Variants in ABL1 observed in about 807,000 individuals in gnomAD.
ABL1 encodes ABL proto-oncogene 1, non-receptor tyrosine kinase.
Under a neutral mutation model 94.7 loss-of-function variants are expected in ABL1, and 11 were observed. The ratio of observed to expected loss-of-function variants is 0.12; its 90% CI spans 0.07 to 0.19. The LOEUF is 0.19. Among genes scored for constraint, ABL1 ranks in the 10% least tolerant of loss-of-function variants. The pLI, the probability that ABL1 is intolerant of heterozygous loss-of-function variation, is 1.00. For missense variants in ABL1, 1,082 were observed against 1,489.4 expected, an observed-to-expected ratio of 0.73 and a Z score of 4.50; for synonymous variants, 656 against 622.4, an observed-to-expected ratio of 1.05 and a Z score of -0.80.
At chr9:130,868,029 G>T (rs12006244) in intron 4 of ABL1, among the ~76,000 whole-genome samples, 3 of 151,250 alleles carry the variant, frequency 2.0e-5, no homozygotes, top group South Asian at 2.1e-4. Context: ...GCGTGATCTC[G>T]GCTCACCGCA....
rs552566550 is a variant in ABL1 at position 130,887,173 on chromosome 9, C to T, written c.*1490C>T. On this transcript the variant is annotated 3_prime_UTR_variant, in exon 11 of 11. Coordinates refer to ENST00000318560, the MANE Select transcript of ABL1 (RefSeq NM_005157.6). ...GGGAGAAGCCACCTTCCCACCCCTT[C>T]ATACCGCCTCGTGCCAGCAGCCTCG... 516 of 233,276 alleles carry T rather than the reference C, an allele frequency of 2.2e-3. No homozygotes were observed. Among genetic ancestry groups the T allele is most frequent in the South Asian group, 5.6e-3 (31 of 5,518 alleles). 14.5% of individuals were successfully genotyped at this position (233,276 alleles called of 1,614,324 possible).
chr9:130,719,200 A>C lies in ABL1; in HGVS notation c.136+4745A>C, dbSNP rs543365748. Among the ~76,000 whole-genome samples, 3 of 152,142 alleles carry C rather than the reference A, an allele frequency of 2.0e-5. No homozygotes were observed. In the East Asian group the frequency reaches 5.8e-4, roughly 29 times the overall value. ...TGTTCCAAGTGTCTTTTTACAACAAACTTGGGTTATCTTATAATACGAAAA... is the reference window on the plus strand; with the variant it reads ...TGTTCCAAGTGTCTTTTTACAACAACCTTGGGTTATCTTATAATACGAAAA... On this transcript the variant is annotated intron_variant, in intron 1 of 10. Coordinates refer to the ABL1 transcript ENST00000372348.
intron 1 of ABL1, among the ~76,000 whole-genome samples, chr9:130,764,825 G>A (rs972597720): frequency 4.6e-5 from 7 of 151,960 alleles, no homozygotes; most frequent in East Asian, 1.9e-4. Context: ...GCGTGGTGGC[G>A]CATGCCTGTA....
chr9:130,822,986 C>T (rs60181340), intron 1 of ABL1, among the ~76,000 whole-genome samples: 5,401 of 152,052 alleles, frequency 0.036, 300 homozygotes, highest in African/African-American at 0.12. Flanking sequence ...TTAGTAGAGA[C>T]GGGATTTCAC....
At chr9:130,851,110 G>C (rs1183796896) in intron 1 of ABL1, among the ~76,000 whole-genome samples, 1 of 152,024 alleles carries the variant, frequency 6.6e-6, no homozygotes. Context: ...ATTTTTAGTA[G>C]AGACGGGGCT....
rs1355338453 is a variant in ABL1 at position 130,872,023 on chromosome 9, A to G, written c.823-106A>G. 3 of 956,544 alleles carry G rather than the reference A, an allele frequency of 3.1e-6. No individual in the cohort carries two copies. Among genetic ancestry groups the G allele is most frequent in the Non-Finnish European group, 4.8e-6 (3 of 622,732 alleles). 59.3% of individuals were successfully genotyped at this position (956,544 alleles called of 1,614,324 possible). On this transcript the variant is annotated intron_variant, in intron 4 of 10. Transcript: ENST00000318560. This position sits in a 1 kb window ranked among gnomAD's most constrained non-coding sequence, Gnocchi z 5.0. ...ATGTGGCTGTCACAAAACGCAGCCCAGGACGAGTATGCGCTGAAGCTCCAT... is the reference window on the plus strand; with the variant it reads ...ATGTGGCTGTCACAAAACGCAGCCCGGGACGAGTATGCGCTGAAGCTCCAT...
chr9:130,849,799 G>A (rs769503587), intron 1 of ABL1, among the ~76,000 whole-genome samples: 10 of 152,186 alleles, frequency 6.6e-5, no homozygotes, highest in African/African-American at 1.4e-4. Flanking sequence ...TTACAGGTGT[G>A]AGCCACCGCA....
intron 1 of ABL1, among the ~76,000 whole-genome samples, chr9:130,837,513 G>A (rs183477421): frequency 6.6e-5 from 10 of 150,938 alleles, no homozygotes; most frequent in Admixed American, 6.6e-4. Context: ...ATTCCAACAT[G>A]TCTTGAAATG....
chr9:130,851,526 A>G (rs1164174664), intron 1 of ABL1, among the ~76,000 whole-genome samples: 3 of 152,052 alleles, frequency 2.0e-5, no homozygotes, highest in Non-Finnish European at 4.4e-5. Flanking sequence ...GTTCTCGGTC[A>G]TGTTTCCGGA....
At chr9:130,848,659 A>G (rs1406063960) in intron 1 of ABL1, among the ~76,000 whole-genome samples, 2 of 152,180 alleles carry the variant, frequency 1.3e-5, no homozygotes, top group African/African-American at 4.8e-5. Context: ...ATGTAAGGCC[A>G]GACACGGTGG....
Position 130,835,560 on chromosome 9 carries a change from C to T in ABL1, c.79+35C>T, listed in dbSNP as rs1438153217. On this transcript the variant is annotated intron_variant, in intron 1 of 10. Transcript: ENST00000318560. The surrounding 1 kb of genome is among the most constrained non-coding windows in gnomAD (Gnocchi z 4.6). ...GGCCGCACGGGTTGGGCTGAGTAGC[C>T]GCGCGCCCTCCCGCTGCTGCTGGGC... is the stretch of plus-strand genomic sequence containing the variant. 3.3e-6 allele frequency: 5 copies of T among 1,527,096 alleles called. No homozygotes were observed. In the African/African-American group the frequency reaches 6.9e-5, roughly 21 times the overall value. The allele number at this position is 1,527,096 out of a possible 1,614,324, so 94.6% of individuals were successfully genotyped here.
At chr9:130,796,472 AC>A (rs1829975273) in intron 1 of ABL1, among the ~76,000 whole-genome samples, 1 of 152,090 alleles carries the variant, frequency 6.6e-6, no homozygotes, top group African/African-American at 2.4e-5. Context: ...GATCAATCAC[AC>A]CACTGCACGC....
At chr9:130,764,762 C>G (rs776589687) in intron 1 of ABL1, among the ~76,000 whole-genome samples, 1 of 152,052 alleles carries the variant, frequency 6.6e-6, no homozygotes, top group Non-Finnish European at 1.5e-5. Flanking sequence ...TCGAGATCAG[C>G]CTGGCTAACA....
rs943782469 is a variant in ABL1, at chr9:130,887,533, C to A, written c.*1850C>A. 14 of 232,908 alleles carry A rather than the reference C, an allele frequency of 6.0e-5. No homozygotes were observed. The Admixed American group carries it at 7.9e-4, about 13-fold the overall frequency. 14.4% of individuals were successfully genotyped at this position (232,908 alleles called of 1,614,324 possible). ...GCGTGTGCATAGCGTCCTGCCCTGC[C>A]CCCTCGGGGGCCTGTGGTGGCTCCC... On this transcript the variant is annotated 3_prime_UTR_variant, in exon 11 of 11. Coordinates refer to ENST00000318560, the MANE Select transcript of ABL1 (RefSeq NM_005157.6).
intron 1 of ABL1, among the ~76,000 whole-genome samples, chr9:130,762,296 C>T (rs1294769469): frequency 6.6e-6 from 1 of 152,264 alleles, no homozygotes; most frequent in Admixed American, 6.5e-5. Context: ...AGTAGATAGG[C>T]TGTTTTTGTT....
intron 1 of ABL1, among the ~76,000 whole-genome samples, chr9:130,805,887 G>GT (rs71499271): frequency 0.16 from 23,885 of 152,034 alleles, 2,014 homozygotes; most frequent in African/African-American, 0.21. Context: ...TCCTCATGAG[G>GT]TTTTTTTAAC....
rs1240103474 is a variant in ABL1, at chr9:130,886,802, A to G, written c.*1119A>G. ...GTGTAGCCGCCCTGAGAGAGAATAGAGCTGCCACTGGGCACCTGCGCACAG... is the reference window on the plus strand; with the variant it reads ...GTGTAGCCGCCCTGAGAGAGAATAGGGCTGCCACTGGGCACCTGCGCACAG... On this transcript the variant is annotated 3_prime_UTR_variant, in exon 11 of 11. Transcript: ENST00000318560. The G allele has an allele frequency of 4.3e-6, 1 of 233,336 alleles. No individual in the cohort carries two copies. The highest frequency in any genetic ancestry group is 6.0e-5 in the East Asian group (1 of 16,554). 14.5% of individuals were successfully genotyped at this position (233,336 alleles called of 1,614,324 possible). A position where few individuals can be genotyped will look rare whatever the true frequency, so the allele number is the denominator to read the frequency against.
intron 1 of ABL1, among the ~76,000 whole-genome samples, chr9:130,727,336 G>A (rs546250031): frequency 2.4e-4 from 36 of 151,654 alleles, no homozygotes; most frequent in Middle Eastern, 6.8e-3. Flanking sequence ...CAAAGTGCTG[G>A]GATTACAGGT....
At chr9:130,819,853 C>CT (rs777754388) in intron 1 of ABL1, among the ~76,000 whole-genome samples, 5,142 of 142,952 alleles carry the variant, frequency 0.036, 258 homozygotes, top group African/African-American at 0.11. Flanking sequence ...AAAATACCTA[C>CT]TTTTTTTTTT....
Sources: allele counts gnomAD v4.1 joint callset (sites outside exome capture counted in the v4.1 genomes callset), GRCh38; gene constraint gnomAD v4.1.1; non-coding constraint Gnocchi (gnomAD v3.1); transcripts MANE v1.5; gene names NCBI Gene and HGNC (gene_info 2026-07-23, HGNC 2026-07-21).